The following PTPRG variants were observed in gnomAD, a reference collection of about 807,000 sequenced individuals.
PTPRG encodes receptor-type tyrosine-protein phosphatase gamma.
Under a neutral mutation model 165.3 loss-of-function variants are expected in PTPRG, and 102 were observed. That is an observed-to-expected ratio of 0.62 (90% CI 0.53 to 0.73). The LOEUF is 0.73. Among genes scored for constraint, PTPRG ranks in the 30% least tolerant of loss-of-function variants. The pLI is 0.00. For missense variants in PTPRG, 1,866 were observed against 1,861.4 expected, an observed-to-expected ratio of 1.00 and a Z score of -0.05; for synonymous variants, 675 against 669.5, an observed-to-expected ratio of 1.01 and a Z score of -0.13.
chr3:62,174,719 T>G (rs1705348204), intron 8 of PTPRG, among the ~76,000 whole-genome samples: 1 of 152,228 alleles, frequency 6.6e-6, no homozygotes, highest in Non-Finnish European at 1.5e-5. Context: ...TTGTTCTATT[T>G]TCAGTTTAAT....
At chr3:61,808,856 TC>T (rs1293472595) in intron 2 of PTPRG, among the ~76,000 whole-genome samples, 2 of 151,828 alleles carry the variant, frequency 1.3e-5, no homozygotes, top group African/African-American at 4.8e-5. Flanking sequence ...GGCCTTTTGA[TC>T]CAAGTGCTTT....
Position 61,696,373 on chromosome 3 carries a change from G to A in PTPRG, c.86-52505G>A, listed in dbSNP as rs1422905659. 2.0e-5 allele frequency among the ~76,000 whole-genome samples: 3 copies of A among 152,212 alleles called. No homozygotes were observed. In the East Asian group the frequency reaches 5.8e-4, roughly 29 times the overall value. ...AAAAATTAGCCAGGTGTGGTGGCAG[G>A]CGCCTGTAATCCCAGCTACTTGGGA... is the stretch of plus-strand genomic sequence containing the variant. On this transcript the variant is annotated intron_variant, in intron 1 of 29. Transcript: ENST00000474889.
intron 2 of PTPRG, among the ~76,000 whole-genome samples, chr3:61,986,336 A>C (rs1000707304): frequency 3.9e-5 from 6 of 152,206 alleles, no homozygotes; most frequent in African/African-American, 1.2e-4. Flanking sequence ...AGTGGGGAAG[A>C]CAGACATTTA....
intron 4 of PTPRG, among the ~76,000 whole-genome samples, chr3:62,063,287 A>G (rs1700881180): frequency 6.6e-6 from 1 of 152,236 alleles, no homozygotes; most frequent in African/African-American, 2.4e-5. Context: ...AAGGATTTTG[A>G]ACTATGATCA....
chr3:62,062,295 A>G (rs189024273), intron 4 of PTPRG, among the ~76,000 whole-genome samples: 15 of 152,290 alleles, frequency 9.8e-5, no homozygotes, highest in African/African-American at 3.6e-4. Context: ...GCGAAACTCC[A>G]TCTCAAAAAT....
At chr3:61,759,511 C>G (rs974208482) in intron 2 of PTPRG, among the ~76,000 whole-genome samples, 1 of 151,846 alleles carries the variant, frequency 6.6e-6, no homozygotes, top group Non-Finnish European at 1.5e-5. Context: ...AAAAAATTAG[C>G]TGGGCATGGT....
At chr3:62,225,182 A>G (rs1188608512) in intron 13 of PTPRG, among the ~76,000 whole-genome samples, 1 of 152,218 alleles carries the variant, frequency 6.6e-6, no homozygotes, top group African/African-American at 2.4e-5. Context: ...TTGAATTCCA[A>G]CAGTCAGATA....
Position 61,576,804 on chromosome 3 carries a change from G to GA in PTPRG, c.85+14441dup, listed in dbSNP as rs201358047. ...TATTTGACTCACATTTGTTTATTCA[G>GA]AAAAAAAAATCCAGTCTCTTGATGG... is the stretch of plus-strand genomic sequence containing the variant. On this transcript the variant is annotated intron_variant, in intron 1 of 29. Transcript: ENST00000474889. Among the ~76,000 whole-genome samples, 28 of 151,302 alleles carry GA rather than the reference G, an allele frequency of 1.9e-4. 1 individual carries two copies. In the South Asian group the frequency reaches 4.4e-3, roughly 24 times the overall value.
chr3:62,279,067 T>C (rs190233628), intron 26 of PTPRG, among the ~76,000 whole-genome samples: 1 of 152,146 alleles, frequency 6.6e-6, no homozygotes, highest in African/African-American at 2.4e-5. Flanking sequence ...TAGAATCATA[T>C]ACAACTGACC....
rs117672900 is a variant in PTPRG, at chr3:61,939,998, A to G, written c.191-49627A>G. On this transcript the variant is annotated intron_variant, in intron 2 of 29. Transcript: ENST00000474889. The stretch of plus-strand genomic sequence containing the variant: ...CTTGCTCTGTTGCCCAGGCTGGAGT[A>G]CAGTGGCGACCTATCTCAGCTCACT... Among the ~76,000 whole-genome samples, 47 of 117,232 alleles carry G rather than the reference A, an allele frequency of 4.0e-4. 1 individual carries two copies. The East Asian group carries it at 1.0e-2, about 25-fold the overall frequency. 76.9% of individuals were successfully genotyped at this position (117,232 alleles called of 152,430 possible). A position where few individuals can be genotyped will look rare whatever the true frequency, so the allele number is the denominator to read the frequency against.
intron 1 of PTPRG, among the ~76,000 whole-genome samples, chr3:61,715,609 C>T (rs1482784728): frequency 6.6e-6 from 1 of 152,158 alleles, no homozygotes. Flanking sequence ...GCCCTGGGTT[C>T]TTGGCCACCA....
chr3:62,264,378 A>G (rs1227557250), intron 17 of PTPRG, among the ~76,000 whole-genome samples: 3 of 152,006 alleles, frequency 2.0e-5, no homozygotes, highest in Admixed American at 6.6e-5. Flanking sequence ...GAGTTGTACG[A>G]TCATCACCAC....
At chr3:62,088,589 G>A (rs541318030) in intron 5 of PTPRG, among the ~76,000 whole-genome samples, 51 of 152,170 alleles carry the variant, frequency 3.4e-4, no homozygotes, top group Non-Finnish European at 1.3e-4. Flanking sequence ...GCACCCACAT[G>A]GGTATTTGTT....
chr3:61,575,860 A>G (rs1160215766), intron 1 of PTPRG, among the ~76,000 whole-genome samples: 2 of 152,144 alleles, frequency 1.3e-5, no homozygotes, highest in Non-Finnish European at 2.9e-5. Context: ...ATGTGCCTTC[A>G]TCGGCCTTCC....
At chr3:62,100,746 A>G (rs1335269317) in intron 5 of PTPRG, among the ~76,000 whole-genome samples, 1 of 152,240 alleles carries the variant, frequency 6.6e-6, no homozygotes. Flanking sequence ...ACTTTATGGA[A>G]TACGTAGCAG....
chr3:61,672,047 G>A (rs1703021153), intron 1 of PTPRG, among the ~76,000 whole-genome samples: 2 of 142,412 alleles, frequency 1.4e-5, no homozygotes, highest in South Asian at 4.6e-4. Context: ...CTCAGACGGG[G>A]CGGCTGGGCA....
At chr3:61,641,374 C>T (rs934616459) in intron 1 of PTPRG, among the ~76,000 whole-genome samples, 22 of 152,244 alleles carry the variant, frequency 1.4e-4, no homozygotes, top group Admixed American at 3.9e-4. Flanking sequence ...GAGGGCAAGA[C>T]GCCCAGCACA....
intron 2 of PTPRG, among the ~76,000 whole-genome samples, chr3:61,842,679 T>C (rs1260840806): frequency 4.5e-5 from 5 of 112,080 alleles, no homozygotes; most frequent in South Asian, 3.2e-4. Context: ...GCAATGTATG[T>C]GTGGCAAAAA....
chr3:61,956,633 A>G (rs565063459), intron 2 of PTPRG, among the ~76,000 whole-genome samples: 13 of 152,314 alleles, frequency 8.5e-5, no homozygotes, highest in South Asian at 8.3e-4. Flanking sequence ...AACAGAAGGG[A>G]AATAAGGAAA....
Sources: gnomAD v4.1 joint callset for allele counts (sites outside exome capture counted in the v4.1 genomes callset) on GRCh38, gnomAD v4.1.1 for gene constraint, MANE v1.5 for transcripts, NCBI Gene and HGNC (gene_info 2026-07-23, HGNC 2026-07-21) for gene names.